KHK: variants seen among roughly 807,000 people sequenced by gnomAD.
KHK encodes the protein fructokinase.
KHK carries 37 observed loss-of-function variants against 36.0 expected under a neutral mutation model. That is an observed-to-expected ratio of 1.03 (90% confidence interval 0.79 to 1.35). The LOEUF is 1.35. KHK is among the 40% of genes most tolerant of loss of function. The pLI, the probability that KHK is intolerant of heterozygous loss-of-function variation, is 0.00. For missense variants in KHK, 395 were observed against 391.9 expected (o/e 1.01, Z -0.07); for synonymous variants, 161 against 162.8 (o/e 0.99, Z 0.08).
At chr2:27,094,606 T>C (rs1670220889) in intron 2 of KHK, 194 bp from the exon 3 acceptor site, 1 of 1,614,034 alleles carries the variant, frequency 6.2e-7, no homozygotes, top group African/African-American at 1.3e-5. Context: ...TCCTATACTA[T>C]GACAGGTTTG....
Position 27,099,494 on chromosome 2 carries a change from A to T in KHK, c.728A>T (p.Asp243Val). The part of the protein sequence containing the change: ...LGPDGKLLHS[D>V]AFPPPRVVDT... ...CCTGATGGCAAATTGCTCCACTCGGATGCTTTCCCGCCACCCCGCGTGGTG... is the reference window on the plus strand; with the variant it reads ...CCTGATGGCAAATTGCTCCACTCGGTTGCTTTCCCGCCACCCCGCGTGGTG... The change falls in exon 7 of 8, where the codon GAT becomes GTT. Residue 243 changes from aspartate to valine, a missense_variant. Coordinates refer to ENST00000260598, the MANE Select transcript of KHK (RefSeq NM_006488.3). 1 of 1,614,092 alleles carries T rather than the reference A, an allele frequency of 6.2e-7. No homozygotes were observed. Among genetic ancestry groups the T allele is most frequent in the South Asian group, 1.1e-5 (1 of 91,080 alleles).
Position 27,092,426 on chromosome 2 carries a change from A to G in KHK, c.187A>G (p.Met63Val), listed in dbSNP as rs555825182. 7.4e-6 allele frequency: 12 copies of G among 1,613,182 alleles called. No homozygotes were observed. In the African/African-American group the frequency reaches 1.1e-4, roughly 14 times the overall value. The change falls in exon 2 of 8, where the codon ATG becomes GTG. Residue 63 changes from methionine to valine, a missense_variant. Physicochemically the swap from Met to Val is conservative, Grantham distance 21. Transcript: ENST00000260598. ...LGAPCAFMGS[M>V]APGHVADFLV... ...AGCCCCCTGTGCCTTCATGGGCTCA[A>G]TGGCTCCTGGCCATGTTGCTGAGTA...
At chr2:27,091,669 C>T (rs141798665) in intron 1 of KHK, among the ~76,000 whole-genome samples, 3 of 152,156 alleles carry the variant, frequency 2.0e-5, no homozygotes, top group Admixed American at 6.5e-5. Context: ...TGCGTTGACC[C>T]TCTATGTGGA....
At chr2:27,095,065 C>A in intron 3 of KHK, 131 bp downstream of exon 3, 1 of 1,043,208 alleles carries the variant, frequency 9.6e-7, no homozygotes, top group Non-Finnish European at 1.5e-6. Flanking sequence ...GCTCCCCTGC[C>A]AAAATGTCCA....
Position 27,092,465 on chromosome 2 carries a change from G to T in KHK, c.209+17G>T. The T allele has an allele frequency of 6.4e-7, 1 of 1,566,376 alleles. No homozygotes were observed. Among genetic ancestry groups the T allele is most frequent in the Non-Finnish European group, 8.8e-7 (1 of 1,138,276 alleles). On this transcript the variant is annotated intron_variant, in intron 2 of 7. Coordinates refer to ENST00000260598, the MANE Select transcript of KHK (RefSeq NM_006488.3). ...TGTTGCTGAGTAAGTCCAGGAGGGA[G>T]AGCCCACTGGGGAAGGCCTGCCTGC...
intron 2 of KHK, chr2:27,094,544 T>C: frequency 6.2e-7 from 1 of 1,614,156 alleles, no homozygotes; most frequent in Non-Finnish European, 8.5e-7. Context: ...GACCACAGGC[T>C]CCGTCCCCAT....
At chr2:27,096,369 G>A (rs146560268) in intron 3 of KHK, among the ~76,000 whole-genome samples, 2 of 152,138 alleles carry the variant, frequency 1.3e-5, no homozygotes, top group Non-Finnish European at 2.9e-5. Flanking sequence ...CTTTCCCAGG[G>A]CTCTGCCTGT....
chr2:27,100,349 C>T lies in KHK; in HGVS notation c.*599C>T. The T allele has an allele frequency of 1.9e-6, 2 of 1,075,246 alleles. No individual in the cohort carries two copies. Among genetic ancestry groups the T allele is most frequent in the Non-Finnish European group, 2.5e-6 (2 of 795,316 alleles). The allele number at this position is 1,075,246 out of a possible 1,614,324, so 66.6% of individuals were successfully genotyped here. A position where few individuals can be genotyped will look rare whatever the true frequency, so the allele number is the denominator to read the frequency against. On this transcript the variant is annotated 3_prime_UTR_variant, in exon 8 of 8. Transcript: ENST00000260598. The stretch of plus-strand genomic sequence containing the variant: ...CCAGCCTGTGATTTGATGGGGTCTT[C>T]ATTGTCCAGAAATACCTCCTCCCGC...
At chr2:27,089,985 T>C (rs559573688) in intron 1 of KHK, among the ~76,000 whole-genome samples, 1 of 152,222 alleles carries the variant, frequency 6.6e-6, no homozygotes, top group South Asian at 2.1e-4. Flanking sequence ...CCCGAGTAGC[T>C]GGGATTACAG....
intron 1 of KHK, 78 bp from the exon 2 acceptor site, chr2:27,092,254 T>C: frequency 9.0e-7 from 1 of 1,109,136 alleles, no homozygotes; most frequent in Non-Finnish European, 1.4e-6. Context: ...AGCTGTTACA[T>C]TCTGTAGGCC....
chr2:27,094,417 C>T, intron 2 of KHK: 3 of 1,605,740 alleles, frequency 1.9e-6, no homozygotes, highest in Non-Finnish European at 2.5e-6. Flanking sequence ...TGCCAGCTAC[C>T]CTCCAGTCCC....
In KHK at chr2:27,097,474, C is replaced by A. The variant is rs760301135; in HGVS notation, c.418-29C>A. ...GGCAGATTGGCCAGGCAGTGCCCAGCGGTCCTGAGCTGCCCTGTCCTGTAC... is the reference window on the plus strand; with the variant it reads ...GGCAGATTGGCCAGGCAGTGCCCAGAGGTCCTGAGCTGCCCTGTCCTGTAC... On this transcript the variant is annotated intron_variant, in intron 4 of 7. Transcript: ENST00000260598. The A allele has an allele frequency of 3.1e-6, 5 of 1,612,044 alleles. No homozygotes were observed. The South Asian group carries it at 3.3e-5, about 11-fold the overall frequency.
intron 1 of KHK, among the ~76,000 whole-genome samples, chr2:27,091,404 T>C (rs868805771): frequency 1.6e-4 from 24 of 152,326 alleles, no homozygotes; most frequent in Middle Eastern, 6.8e-3. Flanking sequence ...TCATTTTTTT[T>C]CTAATGACAT....
At position 27,092,332 on chromosome 2, in the gene KHK, G is replaced by C; in HGVS notation, c.93G>C (p.Arg31Ser). The change falls in exon 2 of 8, where the codon AGG (arginine) becomes AGC (serine). Residue 31 changes from arginine (R) to serine (S), a missense_variant and splice_region_variant. By Grantham distance (110) the Arg-to-Ser change is moderately radical (BLOSUM62 -1). Coordinates refer to ENST00000260598, the MANE Select transcript of KHK (RefSeq NM_006488.3). ...DKYPKEDSEI[R>S]CLSQRWQRGG... The stretch of plus-strand genomic sequence containing the variant: ...CAGGGACCCTCCCTGTGCTTTGCAG[G>C]TGTTTGTCCCAGAGATGGCAGCGCG... 6.2e-7 allele frequency: 1 copy of C among 1,611,892 alleles called. No homozygotes were observed. The highest frequency in any genetic ancestry group is 8.5e-7 in the Non-Finnish European group (1 of 1,179,342).
intron 1 of KHK, among the ~76,000 whole-genome samples, chr2:27,090,452 CTTTTTTT>C (rs559420015): frequency 6.4e-5 from 7 of 110,126 alleles, no homozygotes; most frequent in Non-Finnish European, 1.1e-4. Flanking sequence ...TTTTTTCTTT[CTTTTTTT>C]TTTTTTTTTT....
At chr2:27,094,325 T>C in intron 2 of KHK, 1 of 888,774 alleles carries the variant, frequency 1.1e-6, no homozygotes, top group Non-Finnish European at 1.8e-6. Flanking sequence ...CCTGTTGCAC[T>C]GCCTGTGGCA....
At position 27,099,656 on chromosome 2, in the gene KHK, C is replaced by A. The variant is rs773856508; in HGVS notation, c.812-9C>A. 1.2e-6 allele frequency: 2 copies of A among 1,614,038 alleles called. No homozygotes were observed. Among genetic ancestry groups the A allele is most frequent in the Non-Finnish European group, 1.7e-6 (2 of 1,180,046 alleles). On this transcript the variant is annotated splice_polypyrimidine_tract_variant and intron_variant, in intron 7 of 7. Transcript: ENST00000260598. ...ACCTGGCTGACCTAGCTACTTGCCCCTCCTCCAGGGAGGAGCGTGCAGGAA... is the reference window on the plus strand; with the variant it reads ...ACCTGGCTGACCTAGCTACTTGCCCATCCTCCAGGGAGGAGCGTGCAGGAA...
chr2:27,088,768 C>T (rs1299146349), intron 1 of KHK, among the ~76,000 whole-genome samples: 1 of 152,210 alleles, frequency 6.6e-6, no homozygotes, highest in Non-Finnish European at 1.5e-5. Context: ...CACCATTACA[C>T]TGTAATGCTG....
Position 27,094,912 on chromosome 2 carries a change from C to A in KHK, c.322C>A (p.Arg108Ser), listed in dbSNP as rs202073910. The A allele has an allele frequency of 6.2e-7, 1 of 1,613,976 alleles. No individual in the cohort carries two copies. Among genetic ancestry groups the A allele is most frequent in the South Asian group, 1.1e-5 (1 of 91,090 alleles). ...CCIINNSNGN[R>S]TIVLHDTSLP... ...CATCATCAACAACTCCAATGGCAACCGTACCATTGTGCTCCATGACACGTA... is the reference window on the plus strand; with the variant it reads ...CATCATCAACAACTCCAATGGCAACAGTACCATTGTGCTCCATGACACGTA... Residue 108 changes from arginine to serine, a missense_variant, in exon 3 of 8, where the codon CGT becomes AGT. Coordinates refer to ENST00000260598, the MANE Select transcript of KHK (RefSeq NM_006488.3).
Sources: gnomAD v4.1 joint callset for allele counts (sites outside exome capture counted in the v4.1 genomes callset) on GRCh38, gnomAD v4.1.1 for gene constraint, MANE v1.5 for transcripts, NCBI Gene and HGNC (gene_info 2026-07-23, HGNC 2026-07-21) for gene names.